The following TMPRSS4 variants were observed in gnomAD, a reference collection of about 807,000 sequenced individuals.
The protein encoded by TMPRSS4 is transmembrane protease serine 4.
In TMPRSS4, 45 loss-of-function variants were observed where a neutral mutation model predicts 56.4. The observed-to-expected ratio is 0.80, with a 90% CI of 0.63 to 1.02. TMPRSS4 has a LOEUF of 1.02. TMPRSS4 is among the 50% of genes least tolerant of loss of function. The pLI is 0.00. For missense variants in TMPRSS4, 546 were observed against 556.7 expected, an observed-to-expected ratio of 0.98 and a Z score of 0.19; for synonymous variants, 205 against 211.0, an observed-to-expected ratio of 0.97 and a Z score of 0.25.
rs151255182 is a variant in TMPRSS4 at position 118,104,693 on chromosome 11, C to T, written c.313C>T (p.Arg105Cys). The change falls in exon 5 of 13, where the codon CGC (arginine) becomes TGC (cysteine). Residue 105 changes from arginine to cysteine, a missense_variant and splice_region_variant. Physicochemically the swap from Arg to Cys is radical, Grantham distance 180. Transcript: ENST00000437212. The stretch of plus-strand genomic sequence containing the variant: ...AACTCAGGTTCCTTTCCTCCCAGTC[C>T]GCCTCTCCAAGGACCGATCCACACT... Reference protein sequence around the residue: ...SFPEGPAVAVRLSKDRSTLQV... With the variant: ...SFPEGPAVAVCLSKDRSTLQV... 40 of 1,613,576 alleles carry T rather than the reference C, an allele frequency of 2.5e-5. No homozygotes were observed. Among genetic ancestry groups the T allele is most frequent in the Non-Finnish European group, 3.1e-5 (37 of 1,179,880 alleles).
At chr11:118,090,817 C>CAA (rs1945893477) in intron 1 of TMPRSS4, among the ~76,000 whole-genome samples, 1 of 144,476 alleles carries the variant, frequency 6.9e-6, no homozygotes, top group Admixed American at 6.9e-5. Context: ...CACACACACA[C>CAA]ACAAACACAC....
At chr11:118,083,414 C>T (rs1945307970) in intron 1 of TMPRSS4, among the ~76,000 whole-genome samples, 1 of 152,156 alleles carries the variant, frequency 6.6e-6, no homozygotes, top group Non-Finnish European at 1.5e-5. Flanking sequence ...GGTCACTGTC[C>T]CCAGATGCGC....
intron 1 of TMPRSS4, chr11:118,086,796 C>T (rs1225068984): frequency 3.3e-5 from 5 of 152,752 alleles, no homozygotes; most frequent in Non-Finnish European, 7.3e-5. Flanking sequence ...GTTGCCAGCG[C>T]AGCAAAGGCA....
Position 118,084,294 on chromosome 11 carries a change from A to G in TMPRSS4, c.3+6989A>G, listed in dbSNP as rs1193932357. ...CTGTGCTCTGTGCACTGTAAAACAC[A>G]ACCTCTCCTAGCAAATGTAATTTCA... On this transcript the variant is annotated intron_variant, in intron 1 of 12. Transcript: ENST00000437212. Among the ~76,000 whole-genome samples the G allele has an allele frequency of 2.0e-5, 3 of 152,182 alleles. No individual in the cohort carries two copies. In the East Asian group the frequency reaches 5.8e-4, roughly 29 times the overall value.
At position 118,103,155 on chromosome 11, in the gene TMPRSS4, T is replaced by A. The variant is rs898367022; in HGVS notation, c.212T>A (p.Ile71Asn). Residue 71 changes from isoleucine to asparagine, a missense_variant, in exon 4 of 13, where the codon ATC becomes AAC. Ile to Asn is a moderately radical substitution (Grantham distance 149). Coordinates refer to ENST00000437212, the MANE Select transcript of TMPRSS4 (RefSeq NM_019894.4). ...CTCTGCGGGCAGCCTCTCCACTTCA[T>A]CCCGAGGAAGCAGCTGTGTGACGGA... Reference protein sequence around the residue: ...YFLCGQPLHFIPRKQLCDGEL... With the variant: ...YFLCGQPLHFNPRKQLCDGEL... 2 of 1,614,066 alleles carry A rather than the reference T, an allele frequency of 1.2e-6. No individual in the cohort carries two copies. Among genetic ancestry groups the A allele is most frequent in the African/African-American group, 2.7e-5 (2 of 74,928 alleles).
intron 11 of TMPRSS4, chr11:118,115,631 C>T (rs938245025): frequency 1.9e-4 from 39 of 209,578 alleles, no homozygotes; most frequent in African/African-American, 8.4e-4. Context: ...ACCAGCCTGG[C>T]CAACATGGTG....
intron 3 of TMPRSS4, among the ~76,000 whole-genome samples, chr11:118,099,481 A>AAAAG (rs1555085856): frequency 2.8e-5 from 4 of 141,812 alleles, no homozygotes; most frequent in Admixed American, 1.4e-4. Flanking sequence ...GAAAGAAAGA[A>AAAAG]AAAGAAAGAA....
chr11:118,085,965 G>A (rs1945525065), intron 1 of TMPRSS4, among the ~76,000 whole-genome samples: 1 of 152,236 alleles, frequency 6.6e-6, no homozygotes, highest in South Asian at 2.1e-4. Context: ...CTAGGACAAA[G>A]AGAAGGATCG....
chr11:118,105,617 C>G (rs10790232), intron 5 of TMPRSS4: 1 of 151,922 alleles, frequency 6.6e-6, no homozygotes, highest in Non-Finnish European at 1.5e-5. Context: ...GACATCATCT[C>G]TAAGGGAAGG....
chr11:118,090,813 CACACACAA>C (rs1408991145), intron 1 of TMPRSS4, among the ~76,000 whole-genome samples: 1 of 144,604 alleles, frequency 6.9e-6, no homozygotes, highest in African/African-American at 2.7e-5. Context: ...GTCACACACA[CACACACAA>C]ACACACACAC....
chr11:118,084,932 C>G (rs1057122495), intron 1 of TMPRSS4, among the ~76,000 whole-genome samples: 1 of 152,180 alleles, frequency 6.6e-6, no homozygotes, highest in Non-Finnish European at 1.5e-5. Flanking sequence ...AAGGGACAAC[C>G]CCCTTCTGAT....
intron 1 of TMPRSS4, among the ~76,000 whole-genome samples, chr11:118,090,127 C>A (rs2135302157): frequency 6.6e-6 from 1 of 152,310 alleles, no homozygotes; most frequent in Admixed American, 6.5e-5. Context: ...CAGGTGTAAG[C>A]CACCGTACCT....
At chr11:118,087,943 C>T (rs1945684304) in intron 1 of TMPRSS4, among the ~76,000 whole-genome samples, 1 of 152,242 alleles carries the variant, frequency 6.6e-6, no homozygotes, top group Non-Finnish European at 1.5e-5. Flanking sequence ...CTCTTGACCG[C>T]ATTCATGGAT....
intron 1 of TMPRSS4, among the ~76,000 whole-genome samples, chr11:118,085,383 C>T (rs148124269): frequency 0.014 from 2,169 of 152,102 alleles, 45 homozygotes; most frequent in African/African-American, 0.048. Flanking sequence ...GCCACCACGC[C>T]CAGCTAATTT....
At chr11:118,112,791 G>A (rs964738816) in intron 8 of TMPRSS4, among the ~76,000 whole-genome samples, 16 of 149,742 alleles carry the variant, frequency 1.1e-4, no homozygotes, top group African/African-American at 3.9e-4. Context: ...TGTCTTCAAG[G>A]CACTCATGAT....
intron 11 of TMPRSS4, 77 bp from the exon 12 acceptor site, chr11:118,117,228 A>G: frequency 6.9e-7 from 1 of 1,452,000 alleles, no homozygotes; most frequent in Non-Finnish European, 9.6e-7. Context: ...CAGATAGGCC[A>G]GTTCAGGGAG....
At chr11:118,103,572 G>A (rs1946841375) in intron 4 of TMPRSS4, among the ~76,000 whole-genome samples, 1 of 152,120 alleles carries the variant, frequency 6.6e-6, no homozygotes, top group Non-Finnish European at 1.5e-5. Context: ...AGTAGAGACG[G>A]GGTTTTGCCA....
chr11:118,120,224 A>G lies in TMPRSS4; in HGVS notation c.*2311A>G, dbSNP rs1029505152. 2.0e-5 allele frequency: 3 copies of G among 152,224 alleles called. No homozygotes were observed. The highest frequency in any genetic ancestry group is 7.2e-5 in the African/African-American group (3 of 41,450). The allele number at this position is 152,224 out of a possible 1,614,324, so 9.4% of individuals were successfully genotyped here. A position where few individuals can be genotyped will look rare whatever the true frequency, so the allele number is the denominator to read the frequency against. On this transcript the variant is annotated 3_prime_UTR_variant, in exon 13 of 13. Coordinates refer to ENST00000437212, the MANE Select transcript of TMPRSS4 (RefSeq NM_019894.4). The stretch of plus-strand genomic sequence containing the variant: ...ATAATATTCTATTGTTTATACGAAC[A>G]TTCAGGTTACTTCTATCTTTTGGCT...
intron 10 of TMPRSS4, 95 bp from the exon 11 acceptor site, chr11:118,115,042 GC>G (rs1820616893): frequency 6.4e-7 from 1 of 1,552,590 alleles, no homozygotes; most frequent in Admixed American, 2.0e-5. Context: ...GGAGGACCAA[GC>G]ACCAAGGCGC....
Sources: gnomAD v4.1 joint callset for allele counts (sites outside exome capture counted in the v4.1 genomes callset) on GRCh38, gnomAD v4.1.1 for gene constraint, MANE v1.5 for transcripts, NCBI Gene and HGNC (gene_info 2026-07-23, HGNC 2026-07-21) for gene names.